The following KCNJ15 variants were observed in gnomAD, a reference collection of about 807,000 sequenced individuals.
KCNJ15 encodes potassium inwardly rectifying channel subfamily J member 15, also known as ATP-sensitive inward rectifier potassium channel 15.
In KCNJ15, 14 loss-of-function variants were observed where a neutral mutation model predicts 23.0. The observed-to-expected ratio is 0.61, with a 90% CI of 0.40 to 0.95. The LOEUF (loss-of-function observed/expected upper bound fraction) is 0.95. KCNJ15 is among the 40% of genes least tolerant of loss of function. The pLI is 0.00. For synonymous variants in KCNJ15, 185 were observed against 183.2 expected, an observed-to-expected ratio of 1.01 and a Z score of -0.08; for missense variants, 388 against 461.8, an observed-to-expected ratio of 0.84 and a Z score of 1.46.
At position 38,242,309 on chromosome 21, in the gene KCNJ15, C is replaced by T. The variant is rs1489161443; in HGVS notation, c.-398-14737C>T. On this transcript the variant is annotated intron_variant, in intron 1 of 4. Coordinates refer to the KCNJ15 transcript ENST00000547341. ...CAACTTGAAGTTGATCCTAAATGCA[C>T]GCTGTTTCCACTGCTGCTTCTCTGA... 2.0e-5 allele frequency among the ~76,000 whole-genome samples: 3 copies of T among 152,234 alleles called. No homozygotes were observed. The East Asian group carries it at 5.8e-4, about 29-fold the overall frequency.
At chr21:38,278,853 A>C (rs1983019404) in intron 1 of KCNJ15, among the ~76,000 whole-genome samples, 1 of 152,182 alleles carries the variant, frequency 6.6e-6, no homozygotes, top group African/African-American at 2.4e-5. Context: ...CTGAAGGGTC[A>C]GTTTCAGGAG....
At chr21:38,240,497 G>A (rs938357928) in intron 1 of KCNJ15, among the ~76,000 whole-genome samples, 19 of 152,332 alleles carry the variant, frequency 1.2e-4, no homozygotes, top group African/African-American at 4.6e-4. Flanking sequence ...TTTTACACCA[G>A]TTGTCTGTTT....
At chr21:38,274,546 T>C (rs1262677021) in intron 1 of KCNJ15, among the ~76,000 whole-genome samples, 3 of 152,224 alleles carry the variant, frequency 2.0e-5, no homozygotes, top group African/African-American at 7.2e-5. Flanking sequence ...CCCCTGTGTC[T>C]AGTATAGTCA....
intron 1 of KCNJ15, among the ~76,000 whole-genome samples, chr21:38,250,930 C>T (rs1410758569): frequency 6.6e-6 from 1 of 152,110 alleles, no homozygotes; most frequent in Non-Finnish European, 1.5e-5. Flanking sequence ...GTAGGTAAGA[C>T]GTGTCTGGCC....
rs1984123406 is a variant in KCNJ15, at chr21:38,288,026, CTTTGTT to C, written c.-116-8896_-116-8891del. On this transcript the variant is annotated intron_variant, in intron 1 of 2. Coordinates refer to ENST00000398938, the MANE Select transcript of KCNJ15 (RefSeq NM_170736.3). ...CCATTGTTAAATAACTTGTTTTTTT[CTTTGTT>C]TTTTTTTTTTTTTTTTTTTTTTTTT... 1.0e-3 allele frequency among the ~76,000 whole-genome samples: 78 copies of C among 78,202 alleles called. 15 individuals are homozygous for C. Among genetic ancestry groups the C allele is most frequent in the Admixed American group, 2.2e-3 (11 of 4,958 alleles). 51.3% of individuals were successfully genotyped at this position (78,202 alleles called of 152,430 possible).
chr21:38,297,795 C>T (rs1464476325), intron 2 of KCNJ15, among the ~76,000 whole-genome samples: 4 of 152,072 alleles, frequency 2.6e-5, no homozygotes, highest in Non-Finnish European at 4.4e-5. Flanking sequence ...AAAATGAAAA[C>T]GTGACTTTCT....
chr21:38,296,133 A>G (rs1333508861), intron 1 of KCNJ15, among the ~76,000 whole-genome samples: 1 of 152,236 alleles, frequency 6.6e-6, no homozygotes, highest in Non-Finnish European at 1.5e-5. Flanking sequence ...TTGATAGGTA[A>G]TAGATCAATA....
intron 1 of KCNJ15, among the ~76,000 whole-genome samples, chr21:38,240,105 T>C (rs995161472): frequency 1.3e-5 from 2 of 152,210 alleles, no homozygotes; most frequent in African/African-American, 4.8e-5. Flanking sequence ...TCTACCTCTT[T>C]CTACCTTTAT....
Position 38,300,387 on chromosome 21 carries a change from T to C in KCNJ15, c.1126T>C (p.Ter376ArgextTer59). The C allele has an allele frequency of 6.3e-7, 1 of 1,597,926 alleles. No homozygotes were observed. The highest frequency in any genetic ancestry group is 1.1e-5 in the South Asian group (1 of 89,174). The part of the protein sequence containing the change: ...RTLLLQQSNV[*>R] The stretch of plus-strand genomic sequence containing the variant: ...ACTTTTATTACAACAGAGCAATGTC[T>C]GATCACAGGGGCGCCATCCAGGTTT... Residue 376 changes from the stop codon to arginine (R), a stop_lost, in exon 3 of 3, where the codon TGA becomes CGA. Transcript: ENST00000398938.
At chr21:38,285,902 A>G (rs970403607) in intron 1 of KCNJ15, among the ~76,000 whole-genome samples, 1 of 152,210 alleles carries the variant, frequency 6.6e-6, no homozygotes, top group Admixed American at 6.5e-5. Context: ...TCTTGAAACC[A>G]TGGCAATATA....
intron 1 of KCNJ15, among the ~76,000 whole-genome samples, chr21:38,287,474 C>T (rs980830318): frequency 6.6e-6 from 1 of 152,174 alleles, no homozygotes; most frequent in Admixed American, 6.5e-5. Context: ...CTGTACTATG[C>T]AAATCTATAG....
intron 1 of KCNJ15, among the ~76,000 whole-genome samples, chr21:38,243,508 A>G (rs1165376693): frequency 6.6e-6 from 1 of 151,872 alleles, no homozygotes; most frequent in Non-Finnish European, 1.5e-5. Flanking sequence ...TGCAACCCCC[A>G]CCTCCCAGGT....
At chr21:38,261,293 CA>C (rs1980868846) in intron 1 of KCNJ15, among the ~76,000 whole-genome samples, 1 of 152,050 alleles carries the variant, frequency 6.6e-6, no homozygotes. Flanking sequence ...TTAGAGAAAA[CA>C]AATGCAAAAT....
chr21:38,247,793 C>G (rs1172140186), intron 1 of KCNJ15, among the ~76,000 whole-genome samples: 1 of 152,086 alleles, frequency 6.6e-6, no homozygotes, highest in Non-Finnish European at 1.5e-5. Flanking sequence ...CATATGTTCC[C>G]CATAAACATT....
At chr21:38,276,223 C>T (rs754602389) in intron 1 of KCNJ15, among the ~76,000 whole-genome samples, 1 of 151,890 alleles carries the variant, frequency 6.6e-6, no homozygotes. Context: ...GCATCTCTCA[C>T]CTTTACGTAT....
chr21:38,290,054 C>A (rs1984423911), intron 1 of KCNJ15, among the ~76,000 whole-genome samples: 1 of 152,194 alleles, frequency 6.6e-6, no homozygotes, highest in African/African-American at 2.4e-5. Context: ...TCACTCGTAA[C>A]AACAGACAGA....
At chr21:38,288,026 C>CTTTTTTTTCTTTTTTT in intron 1 of KCNJ15, among the ~76,000 whole-genome samples, 1 of 78,170 alleles carries the variant, frequency 1.3e-5, no homozygotes, top group East Asian at 4.0e-4. Flanking sequence ...TTGTTTTTTT[C>CTTTTTTTTCTTTTTTT]TTTGTTTTTT....
rs548919890 is a variant in KCNJ15 at position 38,236,896 on chromosome 21, CT to C, written c.-398-20149del. Among the ~76,000 whole-genome samples, 110 of 152,330 alleles carry C rather than the reference CT, an allele frequency of 7.2e-4. 1 individual carries two copies. The highest frequency in any genetic ancestry group is 6.8e-3 in the Middle Eastern group (2 of 294). Reference sequence around the variant, plus strand: ...TGGGATTATCTTCAACTATAAGCGGCTGCACACATTCAGCTTGTTCTTCCTG... The same window carrying C: ...TGGGATTATCTTCAACTATAAGCGGCGCACACATTCAGCTTGTTCTTCCTG... On this transcript the variant is annotated intron_variant, in intron 1 of 4. Coordinates refer to the KCNJ15 transcript ENST00000547341.
intron 1 of KCNJ15, among the ~76,000 whole-genome samples, chr21:38,286,954 A>G (rs1983972968): frequency 6.6e-6 from 1 of 152,248 alleles, no homozygotes; most frequent in Non-Finnish European, 1.5e-5. Flanking sequence ...ACCTTGAAAT[A>G]ACATTGCTGC....
Sources: gnomAD v4.1 joint callset for allele counts (sites outside exome capture counted in the v4.1 genomes callset) on GRCh38, gnomAD v4.1.1 for gene constraint, MANE v1.5 for transcripts, NCBI Gene and HGNC (gene_info 2026-07-23, HGNC 2026-07-21) for gene names.